Variants in EMB observed in about 807,000 individuals in gnomAD.
EMB encodes embigin homolog.
In EMB, 31 loss-of-function variants were observed where a neutral mutation model predicts 41.4. The observed-to-expected ratio is 0.75, with a 90% CI of 0.56 to 1.01. The LOEUF is 1.01. Ranked by LOEUF, EMB falls within the 50% of genes least tolerant of loss-of-function variation. The probability of loss-of-function intolerance (pLI) is 0.00; values close to 1 mark genes in which losing one functional copy is unlikely to be tolerated. For synonymous variants in EMB, 137 were observed against 140.4 expected (o/e 0.98, Z 0.17); for missense variants, 379 against 388.3 (o/e 0.98, Z 0.20).
rs1019952555 is a variant in EMB, at chr5:50,398,518, A to T, written c.*755T>A. The T allele has an allele frequency of 6.6e-6, 1 of 151,988 alleles. No individual in the cohort carries two copies. The highest frequency in any genetic ancestry group is 2.4e-5 in the African/African-American group (1 of 41,406). 9.4% of individuals were successfully genotyped at this position (151,988 alleles called of 1,614,324 possible). ...AAGTATTACGACTATATGGACCTGCACCCTAAAACATAAACAATGGTGTAC... is the reference window on the plus strand; with the variant it reads ...AAGTATTACGACTATATGGACCTGCTCCCTAAAACATAAACAATGGTGTAC... On this transcript the variant is annotated 3_prime_UTR_variant, in exon 9 of 9. Transcript: ENST00000303221.
At chr5:50,423,414 T>C (rs1184243420) in intron 2 of EMB, among the ~76,000 whole-genome samples, 2 of 152,204 alleles carry the variant, frequency 1.3e-5, no homozygotes, top group African/African-American at 4.8e-5. Context: ...TATTTGGATA[T>C]TTTTTGAACC....
chr5:50,414,648 G>GT (rs1186139367), intron 2 of EMB, among the ~76,000 whole-genome samples: 2 of 151,610 alleles, frequency 1.3e-5, no homozygotes, highest in Admixed American at 6.6e-5. Flanking sequence ...AGTACAGCTC[G>GT]TGCAAAGTGC....
At chr5:50,438,818 T>C (rs182337301) in intron 1 of EMB, among the ~76,000 whole-genome samples, 14 of 152,282 alleles carry the variant, frequency 9.2e-5, no homozygotes, top group Admixed American at 6.5e-4. Context: ...GCAGAACTTA[T>C]ACCATATACA....
chr5:50,430,294 T>C (rs186841461), intron 1 of EMB, among the ~76,000 whole-genome samples: 13 of 152,316 alleles, frequency 8.5e-5, no homozygotes, highest in Admixed American at 3.9e-4. Flanking sequence ...TCCCCAGGGA[T>C]ACCCCACTGT....
intron 2 of EMB, among the ~76,000 whole-genome samples, chr5:50,427,599 C>T (rs941936130): frequency 3.7e-4 from 56 of 151,910 alleles, no homozygotes; most frequent in African/African-American, 1.4e-3. Flanking sequence ...ACCTCCAACT[C>T]CTGGGTTCAA....
chr5:50,435,839 C>T (rs1745795062), intron 1 of EMB, among the ~76,000 whole-genome samples: 1 of 152,052 alleles, frequency 6.6e-6, no homozygotes, highest in African/African-American at 2.4e-5. Flanking sequence ...TTACAATCCA[C>T]TAATATTATT....
intron 2 of EMB, among the ~76,000 whole-genome samples, chr5:50,412,448 G>A (rs1745356711): frequency 6.6e-6 from 1 of 152,078 alleles, no homozygotes; most frequent in Non-Finnish European, 1.5e-5. Flanking sequence ...GGAGAATGGA[G>A]TCATCACTGA....
intron 7 of EMB, among the ~76,000 whole-genome samples, chr5:50,400,386 T>G (rs1466458674): frequency 6.6e-6 from 1 of 152,016 alleles, no homozygotes; most frequent in East Asian, 1.9e-4. Context: ...TGACGGAAAC[T>G]AAATAACCAG....
intron 7 of EMB, among the ~76,000 whole-genome samples, chr5:50,400,673 T>C (rs1489022619): frequency 2.0e-5 from 3 of 152,126 alleles, no homozygotes; most frequent in East Asian, 1.9e-4. Context: ...CCCTTGATAT[T>C]TGTATACAAT....
chr5:50,402,162 A>G lies in EMB; in HGVS notation c.911+124T>C, dbSNP rs1745173145. On this transcript the variant is annotated intron_variant, in intron 7 of 8. Transcript: ENST00000303221. ...ACTTGGAAAGCCACTTTCCACCACC[A>G]CGTGGACATATACAGAAAATACTCC... 9.2e-6 allele frequency: 9 copies of G among 978,262 alleles called. No individual in the cohort carries two copies. In the South Asian group the frequency reaches 1.2e-4, roughly 13 times the overall value. The allele number at this position is 978,262 out of a possible 1,614,324, so 60.6% of individuals were successfully genotyped here.
At chr5:50,443,312 C>A (rs1745946432), upstream of EMB, 1 of 152,230 alleles carries the variant, frequency 6.6e-6, no homozygotes, top group African/African-American at 2.4e-5. Flanking sequence ...CCTTGACCTT[C>A]TGGGCTCAAG....
chr5:50,410,257 A>C (rs1364796723), intron 4 of EMB, among the ~76,000 whole-genome samples: 1 of 152,116 alleles, frequency 6.6e-6, no homozygotes, highest in Non-Finnish European at 1.5e-5. Flanking sequence ...TAATTATCTA[A>C]CTCAAATAAC....
chr5:50,403,955 A>T (rs985122143), intron 5 of EMB, among the ~76,000 whole-genome samples: 8 of 151,782 alleles, frequency 5.3e-5, no homozygotes, highest in African/African-American at 1.9e-4. Flanking sequence ...AGGCTTTTGG[A>T]GCTGATGTAG....
Position 50,429,971 on chromosome 5 carries a change from TCTCTCTCTCTCTCTCTCTC to T in EMB, c.113-1763_113-1745del, listed in dbSNP as rs1745688337. On this transcript the variant is annotated intron_variant, in intron 1 of 8. Transcript: ENST00000303221. ...CTCTCACCCTCCCCAACTCTCTTTCTCTCTCTCTCTCTCTCTCTCTCTCTCTCTCTCTCTCACACACACA... is the reference window on the plus strand; with the variant it reads ...CTCTCACCCTCCCCAACTCTCTTTCTTCTCTCTCTCTCTCTCACACACACA... Among the ~76,000 whole-genome samples the T allele has an allele frequency of 2.2e-5, 3 of 133,952 alleles. No homozygotes were observed. The East Asian group carries it at 6.7e-4, about 30-fold the overall frequency. 87.9% of individuals were successfully genotyped at this position (133,952 alleles called of 152,430 possible). A position where few individuals can be genotyped will look rare whatever the true frequency, so the allele number is the denominator to read the frequency against.
intron 1 of EMB, among the ~76,000 whole-genome samples, chr5:50,437,487 T>C (rs1032639602): frequency 3.3e-5 from 5 of 152,186 alleles, no homozygotes; most frequent in African/African-American, 9.7e-5. Context: ...AAACTTTTCA[T>C]TGACTCCTTT....
chr5:50,435,527 C>T (rs1002380800), intron 1 of EMB, among the ~76,000 whole-genome samples: 3 of 152,128 alleles, frequency 2.0e-5, no homozygotes, highest in Non-Finnish European at 2.9e-5. Flanking sequence ...GACAGTTCTG[C>T]TCTAATATGA....
chr5:50,420,445 T>G lies in EMB; in HGVS notation c.196+7699A>C, dbSNP rs183836441. Among the ~76,000 whole-genome samples the G allele has an allele frequency of 1.9e-4, 29 of 152,328 alleles. No individual in the cohort carries two copies. The East Asian group carries it at 4.4e-3, about 23-fold the overall frequency. On this transcript the variant is annotated intron_variant, in intron 2 of 8. Coordinates refer to ENST00000303221, the MANE Select transcript of EMB (RefSeq NM_198449.3). ...TGCAGACACTCAGGGAGTCAGTACA[T>G]ACATTTTGTACACACCCCAAGTGAC...
At chr5:50,399,597 T>A (rs536282759) in intron 8 of EMB, among the ~76,000 whole-genome samples, 2 of 152,090 alleles carry the variant, frequency 1.3e-5, no homozygotes, top group Admixed American at 6.6e-5. Flanking sequence ...AAGAAACTAG[T>A]CCGTGGTGAT....
At chr5:50,440,319 A>T (rs543472998) in intron 1 of EMB, among the ~76,000 whole-genome samples, 1 of 152,228 alleles carries the variant, frequency 6.6e-6, no homozygotes, top group East Asian at 1.9e-4. Flanking sequence ...GGATCACCTC[A>T]GGTTGGGAGT....
Sources: allele counts gnomAD v4.1 joint callset (sites outside exome capture counted in the v4.1 genomes callset), GRCh38; gene constraint gnomAD v4.1.1; transcripts MANE v1.5; gene names NCBI Gene and HGNC (gene_info 2026-07-23, HGNC 2026-07-21).